The following DCAF5 variants were observed in gnomAD, a reference collection of about 807,000 sequenced individuals.
DCAF5 encodes the protein DDB1- and CUL4-associated factor 5.
A neutral mutation model predicts 80.7 loss-of-function variants in DCAF5; 9 were observed. The observed-to-expected ratio is 0.11, with a 90% CI of 0.07 to 0.19. The LOEUF is 0.19. Among genes scored for constraint, DCAF5 ranks in the 10% least tolerant of loss-of-function variants. The pLI is 1.00. For synonymous variants in DCAF5, 433 were observed against 461.9 expected (o/e 0.94, Z 0.80); for missense variants, 842 against 1,205.7 (o/e 0.70, Z 4.47).
chr14:69,122,410 C>T (rs375698001), intron 1 of DCAF5, 50 bp from the exon 2 acceptor site: 25 of 1,575,874 alleles, frequency 1.6e-5, no homozygotes, highest in Non-Finnish European at 2.2e-5. Flanking sequence ...CATCGCAAGG[C>T]TGACAGATGG....
intron 5 of DCAF5, among the ~76,000 whole-genome samples, chr14:69,100,268 T>C (rs920055408): frequency 6.6e-6 from 1 of 152,230 alleles, no homozygotes; most frequent in Admixed American, 6.5e-5. Context: ...GAAGGAAATG[T>C]CTTCTCACAT....
intron 5 of DCAF5, among the ~76,000 whole-genome samples, chr14:69,098,622 G>A (rs1484818095): frequency 6.6e-6 from 1 of 150,638 alleles, no homozygotes; most frequent in Non-Finnish European, 1.5e-5. Context: ...GGCGGCTCAC[G>A]CCTGTAATCC....
intron 1 of DCAF5, among the ~76,000 whole-genome samples, chr14:69,127,948 T>C (rs1195228191): frequency 1.3e-5 from 2 of 152,142 alleles, no homozygotes; most frequent in East Asian, 3.8e-4. Context: ...AAATACCCCA[T>C]ATTAAGGAAG....
chr14:69,142,699 A>T (rs1416210517), intron 1 of DCAF5, among the ~76,000 whole-genome samples: 1 of 152,226 alleles, frequency 6.6e-6, no homozygotes, highest in Non-Finnish European at 1.5e-5. Context: ...AAAGCACTTT[A>T]TTCTGAAGCA....
chr14:69,079,220 G>C, intron 6 of DCAF5, among the ~76,000 whole-genome samples: 1 of 152,222 alleles, frequency 6.6e-6, no homozygotes, highest in East Asian at 1.9e-4. Flanking sequence ...TCAGGGCAAA[G>C]CCATGAGAAG....
At chr14:69,066,349 C>T (rs2038441721) in intron 7 of DCAF5, among the ~76,000 whole-genome samples, 1 of 152,092 alleles carries the variant, frequency 6.6e-6, no homozygotes, top group African/African-American at 2.4e-5. Flanking sequence ...GTTGGTTAGG[C>T]TGGTCTCCAA....
intron 6 of DCAF5, among the ~76,000 whole-genome samples, chr14:69,086,015 G>A (rs1354112428): frequency 6.6e-6 from 1 of 152,152 alleles, no homozygotes; most frequent in African/African-American, 2.4e-5. Flanking sequence ...AGTTTCACGT[G>A]AGGATAAAAC....
chr14:69,073,311 A>C (rs1339399104), intron 7 of DCAF5, among the ~76,000 whole-genome samples: 5 of 152,238 alleles, frequency 3.3e-5, no homozygotes, highest in African/African-American at 1.2e-4. Flanking sequence ...GTGAGAACAC[A>C]GTGAGAAGGT....
intron 8 of DCAF5, among the ~76,000 whole-genome samples, chr14:69,059,424 A>G (rs2038117401): frequency 6.6e-6 from 1 of 152,202 alleles, no homozygotes; most frequent in African/African-American, 2.4e-5. Context: ...TCTTTGAGCC[A>G]CTGATCCTCT....
At chr14:69,120,544 T>C (rs2040688204) in intron 2 of DCAF5, among the ~76,000 whole-genome samples, 1 of 152,116 alleles carries the variant, frequency 6.6e-6, no homozygotes, top group Non-Finnish European at 1.5e-5. Flanking sequence ...ATGGTTTGTA[T>C]AGCAAAAAAA....
At chr14:69,149,908 GA>G (rs1486971428) in intron 1 of DCAF5, among the ~76,000 whole-genome samples, 1 of 152,158 alleles carries the variant, frequency 6.6e-6, no homozygotes, top group Non-Finnish European at 1.5e-5. Flanking sequence ...ATATAAACAT[GA>G]CACTAGTTTT....
chr14:69,122,475 A>C, intron 1 of DCAF5, 115 bp from the exon 2 acceptor site: 5 of 1,123,842 alleles, frequency 4.4e-6, no homozygotes, highest in Non-Finnish European at 6.3e-6. Flanking sequence ...CAACTCCATA[A>C]GATTCGCATG....
chr14:69,140,814 T>C (rs1001247800), intron 1 of DCAF5, among the ~76,000 whole-genome samples: 8 of 152,068 alleles, frequency 5.3e-5, no homozygotes, highest in African/African-American at 1.9e-4. Context: ...CTCTATCTGG[T>C]ACCTTAAAAG....
intron 5 of DCAF5, among the ~76,000 whole-genome samples, chr14:69,105,323 T>C (rs2040099699): frequency 6.6e-6 from 1 of 152,084 alleles, no homozygotes. Context: ...TATTTAGCCA[T>C]AAAAAAGAAT....
chr14:69,058,184 A>G (rs2038049357), intron 8 of DCAF5, among the ~76,000 whole-genome samples: 1 of 152,110 alleles, frequency 6.6e-6, no homozygotes, highest in Non-Finnish European at 1.5e-5. Context: ...AAAGTTAACA[A>G]CTCAGAAGTG....
intron 1 of DCAF5, among the ~76,000 whole-genome samples, chr14:69,141,057 T>G (rs1595063636): frequency 6.8e-6 from 1 of 146,790 alleles, no homozygotes; most frequent in East Asian, 2.0e-4. Context: ...TTGCTTGAAC[T>G]CGGGAGGTGA....
rs2041755689 is a variant in DCAF5 at position 69,152,987 on chromosome 14, C to G, written c.-9G>C. The G allele has an allele frequency of 2.0e-6, 3 of 1,502,894 alleles. No individual in the cohort carries two copies. Among genetic ancestry groups the G allele is most frequent in the Non-Finnish European group, 1.8e-6 (2 of 1,125,806 alleles). 93.1% of individuals were successfully genotyped at this position (1,502,894 alleles called of 1,614,324 possible). A position where few individuals can be genotyped will look rare whatever the true frequency, so the allele number is the denominator to read the frequency against. ...CCAGCTCTCCTCTTCATGCTGGAAC[C>G]GCCGCCGCCGCCGCTCGCGCCGCCG... On this transcript the variant is annotated 5_prime_UTR_variant, in exon 1 of 9. Coordinates refer to ENST00000341516, the MANE Select transcript of DCAF5 (RefSeq NM_003861.3). The surrounding 1 kb of genome is among the most constrained non-coding windows in gnomAD (Gnocchi z 4.1).
chr14:69,061,439 T>C (rs2139846114), intron 8 of DCAF5, among the ~76,000 whole-genome samples: 1 of 152,258 alleles, frequency 6.6e-6, no homozygotes, highest in South Asian at 2.1e-4. Flanking sequence ...GGAATACAAG[T>C]GATGGGCAGT....
intron 5 of DCAF5, among the ~76,000 whole-genome samples, chr14:69,111,879 A>C (rs746581237): frequency 2.6e-5 from 4 of 152,210 alleles, no homozygotes; most frequent in Non-Finnish European, 5.9e-5. Context: ...ACTCATCACC[A>C]CTAAAATCCC....
Sources: allele counts gnomAD v4.1 joint callset (sites outside exome capture counted in the v4.1 genomes callset), GRCh38; gene constraint gnomAD v4.1.1; non-coding constraint Gnocchi (gnomAD v3.1); transcripts MANE v1.5; gene names NCBI Gene and HGNC (gene_info 2026-07-23, HGNC 2026-07-21).